The following FERMT2 variants were observed in gnomAD, a reference collection of about 807,000 sequenced individuals.
FERMT2 encodes FERM domain containing kindlin 2.
In FERMT2, 15 loss-of-function variants were observed where a neutral mutation model predicts 82.7. The ratio of observed to expected loss-of-function variants is 0.18; its 90% confidence interval spans 0.12 to 0.28. The LOEUF is 0.28. Ranked by LOEUF, FERMT2 falls within the 10% of genes least tolerant of loss-of-function variation. FERMT2 has a pLI of 1.00. For synonymous variants in FERMT2, 274 were observed against 271.5 expected, an observed-to-expected ratio of 1.01 and a Z score of -0.09; for missense variants, 645 against 809.4, an observed-to-expected ratio of 0.80 and a Z score of 2.46.
chr14:52,938,577 T>G (rs1889953631), intron 2 of FERMT2, among the ~76,000 whole-genome samples: 1 of 152,102 alleles, frequency 6.6e-6, no homozygotes, highest in African/African-American at 2.4e-5. Context: ...TTCACTTAGT[T>G]TTTTTTTGAG....
At chr14:52,887,544 T>C (rs1886684076) in intron 4 of FERMT2, among the ~76,000 whole-genome samples, 1 of 151,788 alleles carries the variant, frequency 6.6e-6, no homozygotes, top group African/African-American at 2.4e-5. Context: ...AAATAAACAT[T>C]ATGGCCAGGC....
At chr14:52,864,104 G>A (rs147660620) in intron 12 of FERMT2, among the ~76,000 whole-genome samples, 1 of 151,994 alleles carries the variant, frequency 6.6e-6, no homozygotes, top group East Asian at 1.9e-4. Flanking sequence ...AGTATTTTGG[G>A]TTTCAGATTT....
At chr14:52,860,190 A>C in intron 13 of FERMT2, 151 bp downstream of exon 13, 1 of 599,576 alleles carries the variant, frequency 1.7e-6, no homozygotes, top group Non-Finnish European at 2.7e-6. Context: ...AAAAGCTTAC[A>C]AAATACATTC....
intron 4 of FERMT2, among the ~76,000 whole-genome samples, chr14:52,883,623 T>C (rs1472987883): frequency 6.6e-6 from 1 of 152,194 alleles, no homozygotes; most frequent in Non-Finnish European, 1.5e-5. Flanking sequence ...GTTTCTAATA[T>C]AGAAAAGATA....
intron 12 of FERMT2, chr14:52,861,075 GAAAA>G (rs763289720): frequency 3.5e-6 from 5 of 1,440,434 alleles, no homozygotes; most frequent in Admixed American, 6.1e-5. Context: ...GAAGCAGAAA[GAAAA>G]AAAAAGGCAA....
intron 2 of FERMT2, among the ~76,000 whole-genome samples, chr14:52,937,004 A>G (rs1889867252): frequency 6.6e-6 from 1 of 151,668 alleles, no homozygotes; most frequent in South Asian, 2.1e-4. Flanking sequence ...AAAAAAAAAT[A>G]CAAAAAAATT....
At chr14:52,881,172 A>G (rs1886273130) in intron 5 of FERMT2, 34 bp from the exon 6 acceptor site, 1 of 1,593,800 alleles carries the variant, frequency 6.3e-7, no homozygotes, top group Admixed American at 1.7e-5. Flanking sequence ...ACAAAACAAC[A>G]CAGAATGAAG....
At position 52,857,624 on chromosome 14, in the gene FERMT2, C is replaced by A. The variant is rs1285469279; in HGVS notation, c.*753G>T. On this transcript the variant is annotated 3_prime_UTR_variant, in exon 15 of 15. Transcript: ENST00000341590. ...CTAGTTGTGAGTAGTTTTTAAAAAA[C>A]TGTACAATTTTATAAAATTTGTGTT... The A allele has an allele frequency of 6.6e-6, 1 of 152,612 alleles. No homozygotes were observed. Among genetic ancestry groups the A allele is most frequent in the Non-Finnish European group, 1.5e-5 (1 of 68,024 alleles). 9.5% of individuals were successfully genotyped at this position (152,612 alleles called of 1,614,324 possible).
intron 2 of FERMT2, among the ~76,000 whole-genome samples, chr14:52,919,791 G>A (rs1888848081): frequency 6.6e-6 from 1 of 152,192 alleles, no homozygotes; most frequent in Non-Finnish European, 1.5e-5. Context: ...ATGTGTGAAG[G>A]TGAATAATGG....
chr14:52,929,064 C>T (rs1355335941), intron 2 of FERMT2, among the ~76,000 whole-genome samples: 1 of 152,166 alleles, frequency 6.6e-6, no homozygotes, highest in South Asian at 2.1e-4. Context: ...ACCCTACTGC[C>T]TATCTCACAT....
intron 3 of FERMT2, among the ~76,000 whole-genome samples, chr14:52,894,228 G>A (rs552538051): frequency 1.3e-5 from 2 of 151,944 alleles, no homozygotes; most frequent in Non-Finnish European, 2.9e-5. Flanking sequence ...CAAGGAAAAT[G>A]GTTAAATGAA....
rs557970771 is a variant in FERMT2, at chr14:52,899,704, G to C, written c.392-6277C>G. Among the ~76,000 whole-genome samples the C allele has an allele frequency of 1.1e-4, 17 of 152,272 alleles. No homozygotes were observed. The South Asian group carries it at 2.3e-3, about 20-fold the overall frequency. On this transcript the variant is annotated intron_variant, in intron 3 of 14. Transcript: ENST00000341590. ...TGGGTAGCCATTGGCTGCATATGAA[G>C]TGTGAAAAAGTGGTTTGCATTTCAT...
chr14:52,933,321 T>C (rs1889675277), intron 2 of FERMT2, among the ~76,000 whole-genome samples: 1 of 152,162 alleles, frequency 6.6e-6, no homozygotes, highest in Non-Finnish European at 1.5e-5. Flanking sequence ...CCAACATCTC[T>C]ACCCTGAATT....
chr14:52,886,386 CTGGAATGCAGCAGTGTGACCACCCAGGT>C (rs1886611020), intron 4 of FERMT2, among the ~76,000 whole-genome samples: 1 of 151,980 alleles, frequency 6.6e-6, no homozygotes, highest in African/African-American at 2.4e-5. Flanking sequence ...GTTGCCCAGG[CTGGAATGCAGCAGTGTGACCACCCAGGT>C]TGAACTCCTG....
intron 3 of FERMT2, among the ~76,000 whole-genome samples, chr14:52,901,036 G>A (rs1357592656): frequency 2.7e-5 from 4 of 149,578 alleles, no homozygotes; most frequent in South Asian, 4.3e-4. Flanking sequence ...CGAGGCGGGC[G>A]GATCACGAAA....
intron 2 of FERMT2, among the ~76,000 whole-genome samples, chr14:52,929,968 T>C (rs1889487718): frequency 6.6e-6 from 1 of 150,714 alleles, no homozygotes; most frequent in African/African-American, 2.5e-5. Context: ...AATGAATTAA[T>C]CCTCCTTTTG....
chr14:52,886,551 T>C (rs1338130320), intron 4 of FERMT2, among the ~76,000 whole-genome samples: 2 of 152,122 alleles, frequency 1.3e-5, no homozygotes, highest in East Asian at 3.9e-4. Flanking sequence ...AACAGGTAAA[T>C]ATACTTTTTC....
chr14:52,920,950 G>GAAAA (rs146780949), intron 2 of FERMT2, among the ~76,000 whole-genome samples: 24,679 of 146,760 alleles, frequency 0.17, 2,153 homozygotes, highest in African/African-American at 0.22. Flanking sequence ...CCTACCTCAA[G>GAAAA]AAAAAAAAAA....
chr14:52,915,364 G>A (rs1235245035), intron 3 of FERMT2, among the ~76,000 whole-genome samples: 1 of 152,182 alleles, frequency 6.6e-6, no homozygotes, highest in Non-Finnish European at 1.5e-5. Flanking sequence ...TGCTCTATCA[G>A]ATATAGAGAT....
Sources: gnomAD v4.1 joint callset for allele counts (sites outside exome capture counted in the v4.1 genomes callset) on GRCh38, gnomAD v4.1.1 for gene constraint, MANE v1.5 for transcripts, NCBI Gene and HGNC (gene_info 2026-07-23, HGNC 2026-07-21) for gene names.